PRC1: variants seen among roughly 807,000 people sequenced by gnomAD.
The protein encoded by PRC1 is anaphase spindle elongation 1 homolog.
Under a neutral mutation model 91.2 loss-of-function variants are expected in PRC1, and 54 were observed. The ratio of observed to expected loss-of-function variants is 0.59; its 90% CI spans 0.48 to 0.74. The LOEUF is 0.74. Ranked by LOEUF, PRC1 falls within the 30% of genes least tolerant of loss-of-function variation. The pLI, the probability that PRC1 is intolerant of heterozygous loss-of-function variation, is 0.00. For synonymous variants in PRC1, 275 were observed against 263.6 expected (o/e 1.04, Z -0.42); for missense variants, 727 against 746.2 (o/e 0.97, Z 0.30).
chr15:90,969,216 T>C (rs2037828214), intron 13 of PRC1, 96 bp from the exon 14 acceptor site: 5 of 1,356,504 alleles, frequency 3.7e-6, no homozygotes, highest in South Asian at 2.4e-5. Flanking sequence ...GGGAATGGTA[T>C]GTATTAAGCA....
chr15:90,987,105 G>A (rs185474743), intron 1 of PRC1, among the ~76,000 whole-genome samples: 221 of 119,482 alleles, frequency 1.8e-3, no homozygotes, highest in Non-Finnish European at 2.8e-3. Context: ...GAGACTCTGC[G>A]TCTTAAAAAA....
chr15:90,977,088 G>A (rs2038776717), intron 8 of PRC1: 2 of 151,730 alleles, frequency 1.3e-5, no homozygotes, highest in Admixed American at 7.6e-5. Context: ...CTGCGCCACC[G>A]TGCTCCACCC....
At chr15:90,991,702 G>A (rs1163022619) in intron 1 of PRC1, among the ~76,000 whole-genome samples, 1 of 152,010 alleles carries the variant, frequency 6.6e-6, no homozygotes, top group Non-Finnish European at 1.5e-5. Context: ...AAGACAGGCA[G>A]AATCTCACTC....
rs531777853 is a variant in PRC1, at chr15:90,980,559, C to T, written c.823-170G>A. ...TTTGAGACAGGGTCTCACTCTCTCG[C>T]CCAGACAGGAGTGCAGTGGCGCGAT... On this transcript the variant is annotated intron_variant, in intron 6 of 14. Coordinates refer to ENST00000394249, the MANE Select transcript of PRC1 (RefSeq NM_003981.4). 748 of 835,094 alleles carry T rather than the reference C, an allele frequency of 9.0e-4. 1 individual carries two copies. The highest frequency in any genetic ancestry group is 1.3e-3 in the Non-Finnish European group (700 of 559,716). The allele number at this position is 835,094 out of a possible 1,614,324, so 51.7% of individuals were successfully genotyped here.
At position 90,984,730 on chromosome 15, in the gene PRC1, C is replaced by T. The variant is rs757458006; in HGVS notation, c.107G>A (p.Arg36Gln). Reference protein sequence around the residue: ...WELIGIPEDQRLQRTEVVKKH... With the variant: ...WELIGIPEDQQLQRTEVVKKH... ...CTTTACCACCTCAGTTCTTTGTAAC[C>T]GCTGGTCCTCTGGAATCCCAATTAG... The change falls in exon 2 of 15, where the codon CGG (arginine) becomes CAG (glutamine). Residue 36 changes from arginine to glutamine, a missense_variant. Transcript: ENST00000394249. The surrounding 1 kb of genome is among the most constrained non-coding windows in gnomAD (Gnocchi z 5.1). 5.6e-6 allele frequency: 9 copies of T among 1,614,144 alleles called. No individual in the cohort carries two copies. The highest frequency in any genetic ancestry group is 1.3e-5 in the African/African-American group (1 of 75,020).
Position 90,971,896 on chromosome 15 carries a change from C to T in PRC1, c.1462-1382G>A, listed in dbSNP as rs565673911. Among the ~76,000 whole-genome samples, 22 of 152,150 alleles carry T rather than the reference C, an allele frequency of 1.4e-4. No individual in the cohort carries two copies. The South Asian group carries it at 4.2e-3, about 29-fold the overall frequency. ...TACAAAAATTAGGTGGGCATAGTGG[C>T]GCGGGCCTGTAGTCCCAGCTACTCA... On this transcript the variant is annotated intron_variant, in intron 11 of 14. Coordinates refer to ENST00000394249, the MANE Select transcript of PRC1 (RefSeq NM_003981.4).
chr15:90,969,763 C>CATATAT (rs61067469), intron 12 of PRC1, 140 bp from the exon 13 acceptor site: 3,490 of 130,052 alleles, frequency 0.027, 209 homozygotes, highest in Non-Finnish European at 0.048. Flanking sequence ...AAAAAAAAAA[C>CATATAT]ATATATATAT....
Position 90,978,753 on chromosome 15 carries a change from C to CAAAAAAAA in PRC1, c.1107+397_1107+404dup, listed in dbSNP as rs869065052. 5.0e-4 allele frequency among the ~76,000 whole-genome samples: 20 copies of CAAAAAAAA among 39,698 alleles called. 2 individuals are homozygous for CAAAAAAAA. Among genetic ancestry groups the CAAAAAAAA allele is most frequent in the South Asian group, 3.2e-3 (2 of 628 alleles). The allele number at this position is 39,698 out of a possible 152,430, so 26.0% of individuals were successfully genotyped here. On this transcript the variant is annotated intron_variant, in intron 8 of 14. Coordinates refer to ENST00000394249, the MANE Select transcript of PRC1 (RefSeq NM_003981.4). ...GGGCAACAAGAGCGAAACTCCACCTCAAAAAAAAAAAAAAAAAAAAAAAAA... is the reference window on the plus strand; with the variant it reads ...GGGCAACAAGAGCGAAACTCCACCTCAAAAAAAAAAAAAAAAAAAAAAAAAAAAAAAAA...
intron 1 of PRC1, chr15:90,987,632 A>T (rs534439868): frequency 2.0e-5 from 3 of 152,240 alleles, no homozygotes; most frequent in Non-Finnish European, 4.4e-5. Flanking sequence ...TTTCTTAGGT[A>T]TAACAGGACA....
chr15:90,987,861 C>T (rs2151598786), intron 1 of PRC1: 1 of 152,288 alleles, frequency 6.6e-6, no homozygotes, highest in East Asian at 1.9e-4. Flanking sequence ...CTCTCCAAAG[C>T]TGTTAATACA....
At chr15:90,973,382 C>T (rs375970992) in intron 11 of PRC1, among the ~76,000 whole-genome samples, 273 of 152,194 alleles carry the variant, frequency 1.8e-3, no homozygotes, top group Non-Finnish European at 3.2e-3. Flanking sequence ...ACCAGGGGCA[C>T]GATGCACTGC....
rs2039468158 is a variant in PRC1, at chr15:90,984,878, TAA to T, written c.12-55_12-54del. On this transcript the variant is annotated intron_variant, in intron 1 of 14. Coordinates refer to ENST00000394249, the MANE Select transcript of PRC1 (RefSeq NM_003981.4). The surrounding 1 kb of genome is among the most constrained non-coding windows in gnomAD (Gnocchi z 5.1). The stretch of plus-strand genomic sequence containing the variant: ...GTTACATCAGTCACAGCCTCTGGAC[TAA>T]AAGCACTATTTTCGAGAACTAAAAA... The T allele has an allele frequency of 6.3e-7, 1 of 1,590,378 alleles. No homozygotes were observed. Among genetic ancestry groups the T allele is most frequent in the African/African-American group, 1.4e-5 (1 of 73,316 alleles).
intron 5 of PRC1, 52 bp downstream of exon 5, chr15:90,981,447 C>A: frequency 1.3e-6 from 2 of 1,588,830 alleles, no homozygotes; most frequent in South Asian, 1.1e-5. Context: ...CAGTTTTGTT[C>A]AAACTGCTAT....
intron 1 of PRC1, among the ~76,000 whole-genome samples, chr15:90,990,092 A>G (rs1596332663): frequency 6.6e-6 from 1 of 152,106 alleles, no homozygotes; most frequent in South Asian, 2.1e-4. Flanking sequence ...TAATCCCAGC[A>G]CTTTGGGTGC....
In PRC1 at chr15:90,980,876, T is replaced by A. The variant is rs767270485; in HGVS notation, c.822+8A>T. On this transcript the variant is annotated splice_region_variant and intron_variant, in intron 6 of 14. Transcript: ENST00000394249. Reference sequence around the variant, plus strand: ...GACTGCTGACCCAGTACCCACTGGGTTTCTTACCGCTTTCCGGACCTTGGC... The same window carrying A: ...GACTGCTGACCCAGTACCCACTGGGATTCTTACCGCTTTCCGGACCTTGGC... 5 of 1,613,988 alleles carry A rather than the reference T, an allele frequency of 3.1e-6. No individual in the cohort carries two copies. The highest frequency in any genetic ancestry group is 1.7e-5 in the Admixed American group (1 of 59,998).
rs1415412632 is a variant in PRC1, at chr15:90,967,221, C to T, written c.1792-19G>A. ...GTTCTCGCTGTTGAAAAATAAATAACATCAGTGGCCATACTGCCTCTCTTA... is the reference window on the plus strand; with the variant it reads ...GTTCTCGCTGTTGAAAAATAAATAATATCAGTGGCCATACTGCCTCTCTTA... On this transcript the variant is annotated intron_variant, in intron 14 of 14. Transcript: ENST00000394249. The T allele has an allele frequency of 2.5e-6, 4 of 1,599,632 alleles. No individual in the cohort carries two copies. The highest frequency in any genetic ancestry group is 3.4e-6 in the Non-Finnish European group (4 of 1,166,780).
chr15:90,968,848 C>G (rs1351652676), intron 14 of PRC1: 2 of 1,344,726 alleles, frequency 1.5e-6, no homozygotes, highest in African/African-American at 3.0e-5. Flanking sequence ...TGATTTAAAA[C>G]TGTGCCTGAC....
chr15:90,970,255 A>G, intron 12 of PRC1, 149 bp downstream of exon 12: 1 of 648,906 alleles, frequency 1.5e-6, no homozygotes, highest in East Asian at 2.6e-5. Context: ...CCATTATTTA[A>G]TGGTGAGCTA....
rs2039417882 is a variant in PRC1, at chr15:90,984,218, A to G, written c.145-78T>C. On this transcript the variant is annotated intron_variant, in intron 2 of 14. Coordinates refer to ENST00000394249, the MANE Select transcript of PRC1 (RefSeq NM_003981.4). This position sits in a 1 kb window ranked among gnomAD's most constrained non-coding sequence, Gnocchi z 5.1. Reference sequence around the variant, plus strand: ...CCAACACCAATACCAAACTCCTCAAATTTCTTTTTTCTTTTTCTTTTTTTC... The same window carrying G: ...CCAACACCAATACCAAACTCCTCAAGTTTCTTTTTTCTTTTTCTTTTTTTC... 2.6e-6 allele frequency: 4 copies of G among 1,537,246 alleles called. No individual in the cohort carries two copies. The highest frequency in any genetic ancestry group is 1.4e-5 in the African/African-American group (1 of 71,814).
Sources: allele counts gnomAD v4.1 joint callset (sites outside exome capture counted in the v4.1 genomes callset), GRCh38; gene constraint gnomAD v4.1.1; non-coding constraint Gnocchi (gnomAD v3.1); transcripts MANE v1.5; gene names NCBI Gene and HGNC (gene_info 2026-07-23, HGNC 2026-07-21).